WFDC1: variants seen among roughly 807,000 people sequenced by gnomAD.
WFDC1 encodes WAP four-disulfide core domain 1, also known as WAP four-disulfide core domain protein 1.
Under a neutral mutation model 32.9 loss-of-function variants are expected in WFDC1, and 39 were observed. The ratio of observed to expected loss-of-function variants is 1.19; its 90% confidence interval spans 0.92 to 1.55. The LOEUF is 1.55. Among genes scored for constraint, WFDC1 ranks in the 40% most tolerant of loss-of-function variants. The pLI is 0.00. For missense variants in WFDC1, 386 were observed against 309.5 expected (o/e 1.25, Z -1.85); for synonymous variants, 184 against 137.4 (o/e 1.34, Z -2.37).
At chr16:84,326,981 T>G (rs777581070) in intron 6 of WFDC1, 26 bp downstream of exon 6, 1 of 1,612,566 alleles carries the variant, frequency 6.2e-7, no homozygotes, top group Admixed American at 1.7e-5. Flanking sequence ...GCAAGAGTCA[T>G]GGCCAGGGTA....
intron 1 of WFDC1, among the ~76,000 whole-genome samples, chr16:84,299,408 C>T (rs957856387): frequency 6.6e-6 from 1 of 151,964 alleles, no homozygotes; most frequent in Non-Finnish European, 1.5e-5. Context: ...ACCAAAAACC[C>T]CATTCCAGAA....
intron 5 of WFDC1, among the ~76,000 whole-genome samples, chr16:84,324,993 AT>A (rs1240922753): frequency 6.6e-6 from 1 of 151,656 alleles, no homozygotes; most frequent in Non-Finnish European, 1.5e-5. Flanking sequence ...CCATCTATTC[AT>A]TCTTCCATCC....
intron 6 of WFDC1, chr16:84,328,027 G>C (rs1313089969): frequency 6.5e-6 from 1 of 153,444 alleles, no homozygotes; most frequent in Non-Finnish European, 1.4e-5. Flanking sequence ...CAGAGCCTGG[G>C]GCAGGGGCTG....
intron 6 of WFDC1, chr16:84,328,051 C>T (rs3785058): frequency 0.16 from 23,776 of 152,972 alleles, 1,890 homozygotes; most frequent in East Asian, 0.19. Flanking sequence ...CGTTTGGGGT[C>T]AGGGAAGGCC....
intron 5 of WFDC1, chr16:84,325,684 A>G (rs986807468): frequency 1.3e-5 from 2 of 151,808 alleles, no homozygotes; most frequent in Admixed American, 1.3e-4. Context: ...CCATCCATCC[A>G]TTCCTCCATC....
chr16:84,302,719 G>A (rs920614751), intron 1 of WFDC1, among the ~76,000 whole-genome samples: 46 of 152,104 alleles, frequency 3.0e-4, no homozygotes, highest in Admixed American at 2.6e-3. Context: ...AAAGCAATTC[G>A]TTCGCCTTAT....
chr16:84,303,964 G>A (rs1907096442), intron 1 of WFDC1, among the ~76,000 whole-genome samples: 1 of 152,188 alleles, frequency 6.6e-6, no homozygotes, highest in Non-Finnish European at 1.5e-5. Context: ...TGTTTTATAT[G>A]TTGCATTTTC....
At position 84,319,506 on chromosome 16, in the gene WFDC1, G is replaced by A. The variant is rs750626272; in HGVS notation, c.497G>A (p.Ser166Asn). The change falls in exon 4 of 7, where the codon AGC (serine) becomes AAC (asparagine). Residue 166 changes from serine to asparagine, a missense_variant. Coordinates refer to ENST00000219454, the MANE Select transcript of WFDC1 (RefSeq NM_021197.4). ...CPSGYECHIL[S>N]PGDVAEGIPN... ...TCGGGCTATGAGTGCCACATCCTGA[G>A]CCCAGGTGACGTGGCCGAAGGTATC... The A allele has an allele frequency of 4.3e-6, 7 of 1,612,940 alleles. No homozygotes were observed. The highest frequency in any genetic ancestry group is 1.7e-4 in the Middle Eastern group (1 of 6,060).
At chr16:84,328,740 T>C (rs1028862097) in intron 6 of WFDC1, 7 of 140,810 alleles carry the variant, frequency 5.0e-5, no homozygotes, top group African/African-American at 1.8e-4. Context: ...ATCCCAGGAG[T>C]TCAAGCCCAG....
intron 1 of WFDC1, among the ~76,000 whole-genome samples, chr16:84,300,916 A>G (rs1906895748): frequency 6.6e-6 from 1 of 152,028 alleles, no homozygotes; most frequent in Admixed American, 6.6e-5. Context: ...TGGACGTTGC[A>G]GTGAGCCAAG....
At chr16:84,325,442 A>G (rs1335357074) in intron 5 of WFDC1, among the ~76,000 whole-genome samples, 2 of 151,970 alleles carry the variant, frequency 1.3e-5, no homozygotes, top group Admixed American at 6.5e-5. Flanking sequence ...ACCTCAGGTG[A>G]TCTGCCCGCC....
intron 5 of WFDC1, 28 bp from the exon 6 acceptor site, chr16:84,326,854 C>T (rs1908631012): frequency 6.2e-7 from 1 of 1,613,606 alleles, no homozygotes; most frequent in South Asian, 1.1e-5. Context: ...GATACATCTA[C>T]CCCAACAGAG....
At chr16:84,307,285 T>TC (rs1907320130) in intron 1 of WFDC1, among the ~76,000 whole-genome samples, 1 of 152,172 alleles carries the variant, frequency 6.6e-6, no homozygotes, top group Non-Finnish European at 1.5e-5. Flanking sequence ...TTCCCAGAAC[T>TC]CCAGAAAACG....
intron 1 of WFDC1, among the ~76,000 whole-genome samples, chr16:84,304,843 G>A (rs1907156443): frequency 6.6e-6 from 1 of 152,198 alleles, no homozygotes; most frequent in African/African-American, 2.4e-5. Flanking sequence ...CCCCCATTTT[G>A]ACTCCACCCT....
At chr16:84,308,839 C>G (rs1043281247) in intron 1 of WFDC1, among the ~76,000 whole-genome samples, 1 of 113,830 alleles carries the variant, frequency 8.8e-6, no homozygotes, top group African/African-American at 3.4e-5. Context: ...AGATGCCAGC[C>G]TGGGTGTAGA....
intron 1 of WFDC1, among the ~76,000 whole-genome samples, chr16:84,307,730 C>T (rs1180809359): frequency 6.6e-6 from 1 of 152,156 alleles, no homozygotes. Flanking sequence ...ACGGTGTATT[C>T]TTAACCACCC....
At chr16:84,319,254 C>A (rs1908150196) in intron 3 of WFDC1, 177 bp from the exon 4 acceptor site, 3 of 738,494 alleles carry the variant, frequency 4.1e-6, no homozygotes, top group Non-Finnish European at 6.4e-6. Context: ...ACGTGTGCCA[C>A]ATGCCGCTGA....
intron 3 of WFDC1, 59 bp downstream of exon 3, chr16:84,318,414 G>C: frequency 1.3e-6 from 2 of 1,560,888 alleles, no homozygotes; most frequent in Non-Finnish European, 1.8e-6. Context: ...CTTCTCAGCT[G>C]CTTCCAGAAA....
At chr16:84,327,039 G>A (rs1908647099) in intron 6 of WFDC1, 84 bp downstream of exon 6, 2 of 1,388,880 alleles carry the variant, frequency 1.4e-6, no homozygotes, top group Non-Finnish European at 2.0e-6. Context: ...AGGTTGAGGA[G>A]CAGGAGGGTG....
Sources: gnomAD v4.1 joint callset for allele counts (sites outside exome capture counted in the v4.1 genomes callset) on GRCh38, gnomAD v4.1.1 for gene constraint, MANE v1.5 for transcripts, NCBI Gene and HGNC (gene_info 2026-07-23, HGNC 2026-07-21) for gene names.